CYFIP1: variants seen among roughly 807,000 people sequenced by gnomAD.
The protein encoded by CYFIP1 is cytoplasmic FMR1 interacting protein 1.
In CYFIP1, 58 loss-of-function variants were observed where a neutral mutation model predicts 163.5. The observed-to-expected ratio is 0.35, with a 90% CI of 0.29 to 0.44. CYFIP1 has a LOEUF of 0.44. CYFIP1 is among the 20% of genes least tolerant of loss of function. CYFIP1 has a pLI of 1.00. For synonymous variants in CYFIP1, 663 were observed against 660.7 expected (o/e 1.00, Z -0.05); for missense variants, 1,338 against 1,653.8 (o/e 0.81, Z 3.31).
chr15:22,898,187 A>G (rs1349419725), intron 22 of CYFIP1, among the ~76,000 whole-genome samples: 1 of 152,184 alleles, frequency 6.6e-6, no homozygotes, highest in Admixed American at 6.5e-5. Context: ...CGTCCTGTCC[A>G]GTTTTTCACT....
At chr15:22,978,685 GTC>G (rs1270154561) in intron 1 of CYFIP1, among the ~76,000 whole-genome samples, 5 of 151,872 alleles carry the variant, frequency 3.3e-5, no homozygotes, top group African/African-American at 1.2e-4. Context: ...TATCATTTTA[GTC>G]TCTCTCTCAG....
At chr15:22,963,516 T>TAACATAACATAACATAACATAA (rs2062769353) in intron 1 of CYFIP1, among the ~76,000 whole-genome samples, 1 of 143,864 alleles carries the variant, frequency 7.0e-6, no homozygotes, top group African/African-American at 2.6e-5. Context: ...TAACATAACA[T>TAACATAACATAACATAACATAA]AACATAACAT....
At chr15:22,978,404 A>C (rs888631699) in intron 1 of CYFIP1, among the ~76,000 whole-genome samples, 1 of 149,964 alleles carries the variant, frequency 6.7e-6, no homozygotes, top group East Asian at 2.0e-4. Context: ...CGGTTATTTA[A>C]AAGATTGAGG....
At position 22,944,602 on chromosome 15, in the gene CYFIP1, G is replaced by C. The variant is rs1377762863; in HGVS notation, c.343C>G (p.Leu115Val). 6.2e-7 allele frequency: 1 copy of C among 1,613,714 alleles called. No homozygotes were observed. Among genetic ancestry groups the C allele is most frequent in the Non-Finnish European group, 8.5e-7 (1 of 1,179,822 alleles). ...ATCAGTTTTGTGACCTCAGGCTCCA[G>C]AACCTCCACGGTTTTCTCGTAGATT... ...VEIYEKTVEV[L>V]EPEVTKLMNF... is the part of the protein sequence containing the mutation. Residue 115 changes from leucine to valine, a missense_variant, in exon 5 of 31, where the codon CTG (leucine) becomes GTG (valine). By Grantham distance (32) the Leu-to-Val change is conservative. Coordinates refer to ENST00000617928, the MANE Select transcript of CYFIP1 (RefSeq NM_014608.6).
At chr15:22,934,247 C>A (rs947398101) in intron 9 of CYFIP1, among the ~76,000 whole-genome samples, 2 of 115,660 alleles carry the variant, frequency 1.7e-5, no homozygotes, top group African/African-American at 6.8e-5. Flanking sequence ...AGTGCAGTGG[C>A]GTGATCTCGG....
intron 16 of CYFIP1, 182 bp from the exon 17 acceptor site, chr15:22,915,064 A>G (rs2060924285): frequency 1.9e-6 from 1 of 514,670 alleles, no homozygotes; most frequent in Non-Finnish European, 3.3e-6. Context: ...CCAGCTGGGC[A>G]TAGCTGCAGG....
chr15:22,965,852 G>A (rs964250847), intron 1 of CYFIP1, among the ~76,000 whole-genome samples: 76 of 152,242 alleles, frequency 5.0e-4, no homozygotes, highest in Non-Finnish European at 1.0e-3. Context: ...CAAGGGCTTG[G>A]CCCAGGGGAT....
intron 11 of CYFIP1, 44 bp downstream of exon 11, chr15:22,932,179 G>A: frequency 6.9e-7 from 1 of 1,451,830 alleles, no homozygotes. Flanking sequence ...AACACACACA[G>A]GCGACCCTCG....
chr15:22,932,683 C>T (rs2061576827), intron 10 of CYFIP1, among the ~76,000 whole-genome samples: 1 of 152,178 alleles, frequency 6.6e-6, no homozygotes, highest in Non-Finnish European at 1.5e-5. Context: ...GCTCAGATGG[C>T]TCTGTAGAGT....
chr15:22,880,729 T>C (rs1323322006), intron 25 of CYFIP1, among the ~76,000 whole-genome samples: 1 of 152,108 alleles, frequency 6.6e-6, no homozygotes, highest in Non-Finnish European at 1.5e-5. Flanking sequence ...CCTTAAACCC[T>C]TGTCCCAGCA....
chr15:22,918,814 C>T lies in CYFIP1; in HGVS notation c.1404G>A (p.Met468Ile). Reference protein sequence around the residue: ...IKGLQVLMGRMESVFNHAIRH... With the variant: ...IKGLQVLMGRIESVFNHAIRH... ...GGATGGCGTGGTTGAACACGCTCTC[C>T]ATCCTGCCCATCAGCACCTGCAGGC... The change falls in exon 14 of 31, where the codon ATG becomes ATA. Residue 468 changes from methionine (M) to isoleucine (I), a missense_variant. Around this residue, in one of 4 missense-constraint regions of CYFIP1, gnomAD observed 824 missense variants for 995.7 expected, o/e 0.83. Coordinates refer to ENST00000617928, the MANE Select transcript of CYFIP1 (RefSeq NM_014608.6). 1 of 1,612,864 alleles carries T rather than the reference C, an allele frequency of 6.2e-7. No homozygotes were observed.
chr15:22,978,074 G>A (rs544154882), intron 1 of CYFIP1, among the ~76,000 whole-genome samples: 37 of 151,872 alleles, frequency 2.4e-4, no homozygotes, highest in African/African-American at 7.5e-4. Flanking sequence ...TGATTTGGCC[G>A]GGCACAGTGG....
At chr15:22,900,614 A>C (rs1421168761) in intron 22 of CYFIP1, among the ~76,000 whole-genome samples, 1 of 151,502 alleles carries the variant, frequency 6.6e-6, no homozygotes, top group African/African-American at 2.4e-5. Flanking sequence ...TGTTAGCCAG[A>C]ATGGTCTTGG....
At chr15:22,875,896 A>ATATATG (rs2059573765) in intron 26 of CYFIP1, among the ~76,000 whole-genome samples, 1 of 149,176 alleles carries the variant, frequency 6.7e-6, no homozygotes, top group East Asian at 1.9e-4. Flanking sequence ...ATATATATAT[A>ATATATG]TAAAGAAAAT....
In CYFIP1 at chr15:22,917,367, G is replaced by T; in HGVS notation, c.1674+421C>A. The T allele has an allele frequency of 8.8e-7, 1 of 1,142,316 alleles. No individual in the cohort carries two copies. Among genetic ancestry groups the T allele is most frequent in the Non-Finnish European group, 1.1e-6 (1 of 891,570 alleles). The allele number at this position is 1,142,316 out of a possible 1,614,324, so 70.8% of individuals were successfully genotyped here. A position where few individuals can be genotyped will look rare whatever the true frequency, so the allele number is the denominator to read the frequency against. On this transcript the variant is annotated intron_variant, in intron 15 of 30. Transcript: ENST00000617928. The surrounding 1 kb of genome is among the most constrained non-coding windows in gnomAD (Gnocchi z 4.2). The stretch of plus-strand genomic sequence containing the variant: ...GAGGCCTGAACACACCAGGAGAGAG[G>T]ACAGTGGGCAGCTTAGGACCATGAC...
chr15:22,903,558 A>G, intron 22 of CYFIP1, 148 bp downstream of exon 22: 1 of 816,874 alleles, frequency 1.2e-6, no homozygotes, highest in Non-Finnish European at 2.0e-6. Flanking sequence ...CACAGAAGAC[A>G]CTGGAGGGCC....
chr15:22,901,079 T>C (rs2060379396), intron 22 of CYFIP1, among the ~76,000 whole-genome samples: 1 of 151,820 alleles, frequency 6.6e-6, no homozygotes, highest in South Asian at 2.1e-4. Context: ...GGCATGCATC[T>C]GTAATCCCAG....
At chr15:22,914,970 C>T in intron 16 of CYFIP1, 88 bp from the exon 17 acceptor site, 1 of 1,362,086 alleles carries the variant, frequency 7.3e-7, no homozygotes, top group Non-Finnish European at 9.9e-7. Context: ...GTGCTGGGTG[C>T]CTGCTCCTCC....
chr15:22,914,902 T>C lies in CYFIP1; in HGVS notation c.1829-20A>G, dbSNP rs760704673. On this transcript the variant is annotated intron_variant, in intron 16 of 30. Transcript: ENST00000617928. The stretch of plus-strand genomic sequence containing the variant: ...GCGTTTCTGGGAGGGTTCAAACAAC[T>C]CCATGTTATCTCCCGCAAGCAAAAA... 3 of 1,588,364 alleles carry C rather than the reference T, an allele frequency of 1.9e-6. No individual in the cohort carries two copies. The highest frequency in any genetic ancestry group is 2.7e-5 in the African/African-American group (2 of 73,058).
Sources: gnomAD v4.1 joint callset for allele counts (sites outside exome capture counted in the v4.1 genomes callset) on GRCh38, gnomAD v4.1.1 for gene constraint, gnomAD v4.1.1 regional missense constraint, Gnocchi (gnomAD v3.1) non-coding constraint, MANE v1.5 for transcripts, NCBI Gene and HGNC (gene_info 2026-07-23, HGNC 2026-07-21) for gene names.